The following SH3BGRL2 variants were observed in gnomAD, a reference collection of about 807,000 sequenced individuals.
The protein encoded by SH3BGRL2 is SH3 domain binding glutamate rich protein like 2.
In SH3BGRL2, 21 loss-of-function variants were observed where a neutral mutation model predicts 14.8. The observed-to-expected ratio is 1.42, with a 90% CI of 1.01 to 2.05. The LOEUF (loss-of-function observed/expected upper bound fraction) is 2.05. Ranked by LOEUF, SH3BGRL2 falls within the 30% of genes most tolerant of loss-of-function variation. The pLI, the probability that SH3BGRL2 is intolerant of heterozygous loss-of-function variation, is 0.00. For synonymous variants in SH3BGRL2, 50 were observed against 47.8 expected, an observed-to-expected ratio of 1.05 and a Z score of -0.19; for missense variants, 147 against 130.8, an observed-to-expected ratio of 1.12 and a Z score of -0.61.
chr6:79,550,727 T>C, the SH3BGRL2 span, among the ~76,000 whole-genome samples: 2 of 152,132 alleles, frequency 1.3e-5, no homozygotes, highest in African/African-American at 2.4e-5. Flanking sequence ...CAGAAAGTAA[T>C]AGCCGTCATA....
the SH3BGRL2 span, among the ~76,000 whole-genome samples, chr6:79,624,735 T>C: frequency 6.6e-6 from 1 of 152,186 alleles, no homozygotes; most frequent in Admixed American, 6.5e-5. Context: ...CTCTTCCATC[T>C]CTTCTCTTTT....
the SH3BGRL2 span, among the ~76,000 whole-genome samples, chr6:79,597,000 C>T: frequency 4.6e-5 from 7 of 152,076 alleles, no homozygotes; most frequent in Admixed American, 3.9e-4. Flanking sequence ...GAGGCCGAGG[C>T]GGGTGGATCC....
chr6:79,597,413 AAG>A, the SH3BGRL2 span, among the ~76,000 whole-genome samples: 1 of 151,932 alleles, frequency 6.6e-6, no homozygotes, highest in South Asian at 2.1e-4. Flanking sequence ...AAGGAAGGAA[AAG>A]AAAGACATAT....
chr6:79,632,076 C>T (rs1768836850), intron 1 of SH3BGRL2, among the ~76,000 whole-genome samples: 1 of 152,138 alleles, frequency 6.6e-6, no homozygotes, highest in Admixed American at 6.5e-5. Context: ...CTTTCACTGT[C>T]ATTTTTTTTC....
the SH3BGRL2 span, among the ~76,000 whole-genome samples, chr6:79,579,716 C>T: frequency 1.3e-5 from 2 of 152,150 alleles, no homozygotes; most frequent in East Asian, 1.9e-4. Context: ...TAAAGACCAT[C>T]GATGCTATGA....
chr6:79,596,956 G>A, the SH3BGRL2 span, among the ~76,000 whole-genome samples: 2 of 152,120 alleles, frequency 1.3e-5, no homozygotes, highest in Non-Finnish European at 2.9e-5. Flanking sequence ...TAGGCCAGGC[G>A]CAGTGCCTCC....
the SH3BGRL2 span, among the ~76,000 whole-genome samples, chr6:79,557,801 T>G: frequency 2.6e-5 from 4 of 152,210 alleles, no homozygotes; most frequent in Non-Finnish European, 4.4e-5. Context: ...TAGCTATCCA[T>G]TTTTATGTCT....
the SH3BGRL2 span, among the ~76,000 whole-genome samples, chr6:79,554,170 A>G: frequency 2.4e-4 from 36 of 152,262 alleles, no homozygotes; most frequent in African/African-American, 7.9e-4. Context: ...ATAATTCTCA[A>G]TGGCCTTTGA....
At chr6:79,578,189 G>C in the SH3BGRL2 span, among the ~76,000 whole-genome samples, 3 of 152,274 alleles carry the variant, frequency 2.0e-5, no homozygotes, top group African/African-American at 7.2e-5. Context: ...TCTGTGGGCA[G>C]GGCATAGCTG....
intron 1 of SH3BGRL2, among the ~76,000 whole-genome samples, chr6:79,663,578 C>T (rs1257545925): frequency 1.3e-5 from 2 of 152,180 alleles, no homozygotes; most frequent in African/African-American, 2.4e-5. Context: ...AGGTGTCAGT[C>T]GGCCCCTACT....
the SH3BGRL2 span, among the ~76,000 whole-genome samples, chr6:79,608,253 T>C: frequency 6.6e-6 from 1 of 152,156 alleles, no homozygotes. Context: ...GATACAGAGC[T>C]AAACCATATC....
chr6:79,629,876 ATTAT>A (rs1049544084), upstream of SH3BGRL2, among the ~76,000 whole-genome samples: 78 of 152,188 alleles, frequency 5.1e-4, no homozygotes, highest in African/African-American at 1.8e-3. Context: ...CTGAGTTCCA[ATTAT>A]TTGAGTTTAA....
At chr6:79,591,100 A>G in the SH3BGRL2 span, among the ~76,000 whole-genome samples, 1 of 152,202 alleles carries the variant, frequency 6.6e-6, no homozygotes, top group African/African-American at 2.4e-5. Context: ...GGTGTTGTGT[A>G]TATCAAATTA....
the SH3BGRL2 span, among the ~76,000 whole-genome samples, chr6:79,610,204 G>C: frequency 2.0e-4 from 31 of 152,150 alleles, no homozygotes; most frequent in Non-Finnish European, 3.2e-4. Flanking sequence ...AAATTAGATG[G>C]AGGCCTCAAG....
the SH3BGRL2 span, among the ~76,000 whole-genome samples, chr6:79,557,418 A>G: frequency 6.6e-6 from 1 of 152,024 alleles, no homozygotes; most frequent in East Asian, 1.9e-4. Context: ...ATTTGTGACT[A>G]TGAAGAAGAT....
chr6:79,634,449 A>G (rs1207976631), intron 1 of SH3BGRL2, among the ~76,000 whole-genome samples: 1 of 152,242 alleles, frequency 6.6e-6, no homozygotes, highest in African/African-American at 2.4e-5. Flanking sequence ...TAGAAATGTC[A>G]TTTTAAAATT....
chr6:79,686,668 TA>T lies in SH3BGRL2; in HGVS notation c.232-9812del, dbSNP rs1395590213. Among the ~76,000 whole-genome samples the T allele has an allele frequency of 3.9e-5, 6 of 152,222 alleles. No individual in the cohort carries two copies. In the East Asian group the frequency reaches 1.2e-3, roughly 29 times the overall value. ...TTTTCTTTAATCTCTCCAAGGATAT[TA>T]AAAAGCATTTTTTTAAGTTTTGTAT... is the stretch of plus-strand genomic sequence containing the variant. On this transcript the variant is annotated intron_variant, in intron 2 of 3. Coordinates refer to ENST00000369838, the MANE Select transcript of SH3BGRL2 (RefSeq NM_031469.4).
intron 1 of SH3BGRL2, among the ~76,000 whole-genome samples, chr6:79,658,668 T>C (rs1769474147): frequency 6.6e-6 from 1 of 152,246 alleles, no homozygotes; most frequent in South Asian, 2.1e-4. Flanking sequence ...AGTAATGGGA[T>C]TGCTAGGTCA....
At chr6:79,573,148 C>T in the SH3BGRL2 span, among the ~76,000 whole-genome samples, 12 of 152,094 alleles carry the variant, frequency 7.9e-5, no homozygotes, top group Non-Finnish European at 1.5e-5. Context: ...ATATGTTGGT[C>T]TTTACTTGAG....
Sources: gnomAD v4.1 joint callset for allele counts (sites outside exome capture counted in the v4.1 genomes callset) on GRCh38, gnomAD v4.1.1 for gene constraint, MANE v1.5 for transcripts, NCBI Gene and HGNC (gene_info 2026-07-23, HGNC 2026-07-21) for gene names.